The following CDH12 variants were observed in gnomAD, a reference collection of about 807,000 sequenced individuals.
The protein encoded by CDH12 is cadherin-12.
CDH12 carries 41 observed loss-of-function variants against 74.1 expected under a neutral mutation model. The ratio of observed to expected loss-of-function variants is 0.55; its 90% CI spans 0.43 to 0.72. The LOEUF (loss-of-function observed/expected upper bound fraction) is 0.72, where lower values mean the gene tolerates loss of function less well. CDH12 is among the 30% of genes least tolerant of loss of function. CDH12 has a pLI of 0.00. For missense variants in CDH12, 945 were observed against 977.2 expected, an observed-to-expected ratio of 0.97 and a Z score of 0.44; for synonymous variants, 399 against 355.0, an observed-to-expected ratio of 1.12 and a Z score of -1.39.
Position 22,810,905 on chromosome 5 carries a change from A to G in CDH12, c.-523+42153T>C, listed in dbSNP as rs923510601. On this transcript the variant is annotated intron_variant, in intron 1 of 14. Coordinates refer to ENST00000382254, the MANE Select transcript of CDH12 (RefSeq NM_004061.5). Reference sequence around the variant, plus strand: ...TCAAAAAACAAAAACAAACAAATATATGTGTGTGTGTGTGTGTGTGTGTGT... The same window carrying G: ...TCAAAAAACAAAAACAAACAAATATGTGTGTGTGTGTGTGTGTGTGTGTGT... Among the ~76,000 whole-genome samples, 43 of 146,934 alleles carry G rather than the reference A, an allele frequency of 2.9e-4. No individual in the cohort carries two copies. The East Asian group carries it at 4.5e-3, about 16-fold the overall frequency.
rs1752977416 is a variant in CDH12, at chr5:21,893,343, G to A, written c.527-38553C>T. Reference sequence around the variant, plus strand: ...GGGCCACAATAAAAGGAAAATTCAAGGGAGTGGCAGGAGAGAACAAAATGA... The same window carrying A: ...GGGCCACAATAAAAGGAAAATTCAAAGGAGTGGCAGGAGAGAACAAAATGA... On this transcript the variant is annotated intron_variant, in intron 6 of 14. Transcript: ENST00000382254. Among the ~76,000 whole-genome samples the A allele has an allele frequency of 1.3e-5, 2 of 152,156 alleles. 1 individual carries two copies. The highest frequency in any genetic ancestry group is 4.1e-4 in the South Asian group (2 of 4,830).
chr5:22,481,975 G>T (rs1305711231), intron 2 of CDH12, among the ~76,000 whole-genome samples: 1 of 152,128 alleles, frequency 6.6e-6, no homozygotes, highest in Non-Finnish European at 1.5e-5. Flanking sequence ...TTGTATTTTA[G>T]TATATCAATT....
At chr5:22,445,413 C>A (rs1744781171) in intron 2 of CDH12, among the ~76,000 whole-genome samples, 1 of 152,004 alleles carries the variant, frequency 6.6e-6, no homozygotes, top group Non-Finnish European at 1.5e-5. Flanking sequence ...CAAAGTAAAC[C>A]TGTTTTGTGT....
chr5:22,669,622 A>T (rs1440274521), intron 1 of CDH12, among the ~76,000 whole-genome samples: 2 of 152,156 alleles, frequency 1.3e-5, no homozygotes, highest in Non-Finnish European at 2.9e-5. Context: ...GTCTGCATGA[A>T]CTTTTGTCAT....
chr5:22,234,959 A>G (rs1752512291), intron 3 of CDH12, among the ~76,000 whole-genome samples: 1 of 152,198 alleles, frequency 6.6e-6, no homozygotes, highest in Admixed American at 6.5e-5. Flanking sequence ...ATTCAATTAA[A>G]AACCTGATAC....
chr5:21,956,806 G>A (rs1314913758), intron 6 of CDH12, among the ~76,000 whole-genome samples: 2 of 151,976 alleles, frequency 1.3e-5, no homozygotes, highest in African/African-American at 4.8e-5. Flanking sequence ...ATTAAATAAA[G>A]ATTATTTCCT....
intron 13 of CDH12, among the ~76,000 whole-genome samples, chr5:21,757,010 C>T (rs941376484): frequency 8.6e-5 from 13 of 151,784 alleles, no homozygotes; most frequent in South Asian, 2.1e-4. Context: ...CTTGAGTCCG[C>T]GGAAAAGGAA....
In CDH12 at chr5:22,790,634, T is replaced by G. The variant is rs1455558422; in HGVS notation, c.-523+62424A>C. On this transcript the variant is annotated intron_variant, in intron 1 of 14. Transcript: ENST00000382254. ...GAAAATATTACAGATATATTATTAT[T>G]TATTTATACTATATATATACTTTTT... 3.3e-5 allele frequency among the ~76,000 whole-genome samples: 5 copies of G among 151,466 alleles called. No homozygotes were observed. In the South Asian group the frequency reaches 1.0e-3, roughly 31 times the overall value.
At chr5:22,652,863 G>A (rs987109653) in intron 1 of CDH12, among the ~76,000 whole-genome samples, 1 of 152,084 alleles carries the variant, frequency 6.6e-6, no homozygotes, top group Non-Finnish European at 1.5e-5. Context: ...AATCTCCATA[G>A]AAGCCTCTCT....
chr5:21,883,385 T>G (rs191702898), intron 6 of CDH12: 2 of 1,551,830 alleles, frequency 1.3e-6, no homozygotes, highest in African/African-American at 1.4e-5. Flanking sequence ...AAATTGCCAA[T>G]GCTCACCATA....
chr5:21,936,990 C>T (rs1202013625), intron 6 of CDH12, among the ~76,000 whole-genome samples: 1 of 152,146 alleles, frequency 6.6e-6, no homozygotes, highest in African/African-American at 2.4e-5. Flanking sequence ...TATCCATTCT[C>T]AGGTAGTATC....
At chr5:21,984,586 C>T (rs1757436034) in intron 5 of CDH12, among the ~76,000 whole-genome samples, 1 of 152,130 alleles carries the variant, frequency 6.6e-6, no homozygotes, top group South Asian at 2.1e-4. Flanking sequence ...CAGAAATTGG[C>T]CATCTTCTCT....
chr5:22,053,524 A>G (rs1580174620), intron 5 of CDH12, among the ~76,000 whole-genome samples: 1 of 151,932 alleles, frequency 6.6e-6, no homozygotes, highest in Non-Finnish European at 1.5e-5. Context: ...GGTGGCTGCC[A>G]TTCTGGCTTT....
intron 10 of CDH12, among the ~76,000 whole-genome samples, chr5:21,790,678 G>A (rs1445260323): frequency 6.6e-6 from 1 of 152,016 alleles, no homozygotes; most frequent in Admixed American, 6.6e-5. Context: ...TAAAGTATAT[G>A]TTGCATAGGG....
At chr5:22,080,865 C>T (rs750915565) in intron 4 of CDH12, among the ~76,000 whole-genome samples, 25 of 152,096 alleles carry the variant, frequency 1.6e-4, no homozygotes, top group South Asian at 1.0e-3. Context: ...TTGCAATCTC[C>T]GCCTCCTGGG....
chr5:22,302,086 T>G (rs971168758), intron 3 of CDH12, among the ~76,000 whole-genome samples: 2 of 152,222 alleles, frequency 1.3e-5, no homozygotes, highest in Middle Eastern at 6.8e-3. Context: ...AACAATTATA[T>G]TTTTAGTTTT....
intron 3 of CDH12, among the ~76,000 whole-genome samples, chr5:22,230,503 T>C (rs1039192344): frequency 3.1e-4 from 45 of 147,522 alleles, no homozygotes; most frequent in African/African-American, 1.1e-3. Context: ...ACAGAGTCTC[T>C]CTCTGTTGCC....
chr5:22,275,309 GA>G (rs2150402905), intron 3 of CDH12, among the ~76,000 whole-genome samples: 1 of 151,616 alleles, frequency 6.6e-6, no homozygotes, highest in East Asian at 1.9e-4. Context: ...AAAAAAGGAA[GA>G]AAGGATGATC....
intron 6 of CDH12, among the ~76,000 whole-genome samples, chr5:21,945,427 CAAAAAAAAAAAAA>C (rs1167475672): frequency 8.4e-4 from 13 of 15,518 alleles, no homozygotes; most frequent in South Asian, 5.7e-3. Context: ...CTGTTTCAGA[CAAAAAAAAAAAAA>C]AAAAAAAAAA....
Sources: allele counts gnomAD v4.1 joint callset (sites outside exome capture counted in the v4.1 genomes callset), GRCh38; gene constraint gnomAD v4.1.1; transcripts MANE v1.5; gene names NCBI Gene and HGNC (gene_info 2026-07-23, HGNC 2026-07-21).